RELN: variants seen among roughly 807,000 people sequenced by gnomAD.
RELN encodes reelin.
A neutral mutation model predicts 427.6 loss-of-function variants in RELN; 108 were observed. The ratio of observed to expected loss-of-function variants is 0.25; its 90% CI spans 0.22 to 0.30. The LOEUF (loss-of-function observed/expected upper bound fraction) is 0.30, where lower values mean the gene tolerates loss of function less well. RELN is among the 10% of genes least tolerant of loss of function. The pLI is 1.00. For missense variants in RELN, 3,715 were observed against 4,302.8 expected (o/e 0.86, Z 3.82); for synonymous variants, 1,524 against 1,513.4 (o/e 1.01, Z -0.16).
At chr7:103,651,911 AG>A (rs1368426309) in intron 14 of RELN, 122 bp from the exon 15 acceptor site, 1 of 1,018,952 alleles carries the variant, frequency 9.8e-7, no homozygotes, top group Non-Finnish European at 1.5e-6. Flanking sequence ...AATTTTTTAA[AG>A]ATGCTGTTTC....
intron 2 of RELN, among the ~76,000 whole-genome samples, chr7:103,903,751 TATAAGGAAGA>T (rs1179402110): frequency 3.9e-5 from 6 of 152,134 alleles, no homozygotes; most frequent in Non-Finnish European, 8.8e-5. Context: ...TTTGAACAGA[TATAAGGAAGA>T]GAAAGGAACT....
chr7:103,473,573 C>T (rs961198567), intron 64 of RELN, among the ~76,000 whole-genome samples: 16 of 152,156 alleles, frequency 1.1e-4, no homozygotes, highest in African/African-American at 3.9e-4. Context: ...GAAAGTGTAA[C>T]CAAATGTATA....
intron 45 of RELN, 145 bp from the exon 46 acceptor site, chr7:103,535,629 G>A (rs758642241): frequency 2.4e-4 from 174 of 731,388 alleles, no homozygotes; most frequent in Non-Finnish European, 3.3e-4. Flanking sequence ...GCTTTGAAAT[G>A]CTTCCTAGTT....
chr7:103,975,689 G>A (rs945442750), intron 1 of RELN, among the ~76,000 whole-genome samples: 2 of 149,898 alleles, frequency 1.3e-5, no homozygotes, highest in African/African-American at 4.9e-5. Flanking sequence ...GGGACTACAG[G>A]CACCCGCCAC....
chr7:103,676,662 G>A (rs1319296679), intron 11 of RELN, among the ~76,000 whole-genome samples: 2 of 152,176 alleles, frequency 1.3e-5, no homozygotes, highest in African/African-American at 4.8e-5. Context: ...ATGATAGACT[G>A]GATTAAGAAA....
intron 1 of RELN, among the ~76,000 whole-genome samples, chr7:103,960,648 C>A (rs1048934873): frequency 6.6e-6 from 1 of 152,070 alleles, no homozygotes; most frequent in Admixed American, 6.6e-5. Context: ...AGGATTAGAG[C>A]AAATGCTAAG....
In RELN at chr7:103,635,295, A is replaced by G; in HGVS notation, c.2465+130T>C. 7.3e-6 allele frequency: 7 copies of G among 960,896 alleles called. No individual in the cohort carries two copies. In the South Asian group the frequency reaches 1.1e-4, roughly 15 times the overall value. The allele number at this position is 960,896 out of a possible 1,614,324, so 59.5% of individuals were successfully genotyped here. On this transcript the variant is annotated intron_variant, in intron 19 of 64. Transcript: ENST00000428762. ...GTTGGCTTGGTAGTTTTTCACTGCA[A>G]GACACATCAATCTTTGTGCGCTCCA...
chr7:103,782,737 TGCTATAATGCCTAAATTCCCAA>T (rs1320364753), intron 3 of RELN, among the ~76,000 whole-genome samples: 10 of 152,216 alleles, frequency 6.6e-5, no homozygotes, highest in African/African-American at 2.4e-4. Context: ...TTAATATACT[TGCTATAATGCCTAAATTCCCAA>T]GTGTATTACT....
intron 1 of RELN, among the ~76,000 whole-genome samples, chr7:103,952,110 A>G (rs1232974430): frequency 6.6e-6 from 1 of 152,236 alleles, no homozygotes; most frequent in Admixed American, 6.5e-5. Context: ...AAAATAATTT[A>G]GGTTGGGTGC....
At chr7:103,654,336 G>A in intron 12 of RELN, 131 bp from the exon 13 acceptor site, 2 of 663,354 alleles carry the variant, frequency 3.0e-6, no homozygotes, top group South Asian at 3.2e-5. Context: ...CCTAAACAAA[G>A]GTAAACAGAC....
chr7:103,520,843 C>T (rs2711853), intron 48 of RELN, among the ~76,000 whole-genome samples: 67,025 of 151,610 alleles, frequency 0.44, 17,082 homozygotes, highest in African/African-American at 0.71. Flanking sequence ...ATGCTATATG[C>T]CTTCTTGCTA....
intron 2 of RELN, among the ~76,000 whole-genome samples, chr7:103,853,293 T>C (rs1431483773): frequency 1.3e-5 from 2 of 152,078 alleles, no homozygotes; most frequent in Non-Finnish European, 2.9e-5. Flanking sequence ...CTTAAAAATT[T>C]GGGTTATTTG....
chr7:103,882,690 G>A (rs1031170260), intron 2 of RELN, among the ~76,000 whole-genome samples: 1 of 152,124 alleles, frequency 6.6e-6, no homozygotes, highest in Non-Finnish European at 1.5e-5. Context: ...AGAAAATCCA[G>A]AAGAAATGGA....
chr7:103,784,615 T>C (rs952640692), intron 3 of RELN, among the ~76,000 whole-genome samples: 3 of 152,188 alleles, frequency 2.0e-5, no homozygotes, highest in Non-Finnish European at 1.5e-5. Flanking sequence ...CATAATTTTT[T>C]CTTAATAAAA....
rs183621188 is a variant in RELN, at chr7:103,604,210, A to G, written c.3146+136T>C. The G allele has an allele frequency of 5.3e-5, 51 of 967,740 alleles. 1 individual carries two copies. In the East Asian group the frequency reaches 1.2e-3, roughly 23 times the overall value. 59.9% of individuals were successfully genotyped at this position (967,740 alleles called of 1,614,324 possible). The stretch of plus-strand genomic sequence containing the variant: ...GCTTTTACATCTAAAATACAAACAG[A>G]AAGGAGGACTTGTTTCTTTTGGCTA... On this transcript the variant is annotated intron_variant, in intron 23 of 64. Transcript: ENST00000428762.
At chr7:103,809,325 G>T (rs1422351861) in intron 3 of RELN, among the ~76,000 whole-genome samples, 1 of 152,142 alleles carries the variant, frequency 6.6e-6, no homozygotes, top group Non-Finnish European at 1.5e-5. Flanking sequence ...TAACAAAAGT[G>T]GGGGTGAGGG....
intron 6 of RELN, among the ~76,000 whole-genome samples, chr7:103,730,674 C>A (rs1790331795): frequency 6.6e-6 from 1 of 152,098 alleles, no homozygotes; most frequent in Non-Finnish European, 1.5e-5. Context: ...TCAGATATTA[C>A]CCACTGTGTG....
At chr7:103,526,163 T>C (rs1829818530) in intron 46 of RELN, among the ~76,000 whole-genome samples, 1 of 152,202 alleles carries the variant, frequency 6.6e-6, no homozygotes, top group Non-Finnish European at 1.5e-5. Flanking sequence ...TTCTGAGCAT[T>C]GGCTGTGTTT....
rs116384074 is a variant in RELN at position 103,702,242 on chromosome 7, G to A, written c.806-1236C>T. Among the ~76,000 whole-genome samples, 252 of 152,332 alleles carry A rather than the reference G, an allele frequency of 1.7e-3. 3 individuals are homozygous for A. Among genetic ancestry groups the A allele is most frequent in the African/African-American group, 5.8e-3 (241 of 41,574 alleles). On this transcript the variant is annotated intron_variant, in intron 8 of 64. Coordinates refer to ENST00000428762, the MANE Select transcript of RELN (RefSeq NM_005045.4). Reference sequence around the variant, plus strand: ...AACTGTGCGACTGGAAATGGTGACAGGCAGAATTATGTAGGACAAACTTCA... The same window carrying A: ...AACTGTGCGACTGGAAATGGTGACAAGCAGAATTATGTAGGACAAACTTCA...
Sources: allele counts gnomAD v4.1 joint callset (sites outside exome capture counted in the v4.1 genomes callset), GRCh38; gene constraint gnomAD v4.1.1; transcripts MANE v1.5; gene names NCBI Gene and HGNC (gene_info 2026-07-23, HGNC 2026-07-21).